The following CPPED1 variants were observed in gnomAD, a reference collection of about 807,000 sequenced individuals.
The protein encoded by CPPED1 is calcineurin like phosphoesterase domain containing 1, also known as serine/threonine-protein phosphatase CPPED1.
CPPED1 carries 28 observed loss-of-function variants against 28.0 expected under a neutral mutation model. The ratio of observed to expected loss-of-function variants is 1.00; its 90% CI spans 0.74 to 1.37. The LOEUF is 1.37. Among genes scored for constraint, CPPED1 ranks in the 40% most tolerant of loss-of-function variants. The pLI is 0.00. For synonymous variants in CPPED1, 198 were observed against 180.2 expected (o/e 1.10, Z -0.79); for missense variants, 504 against 416.5 (o/e 1.21, Z -1.83).
rs945986292 is a variant in CPPED1 at position 12,704,942 on chromosome 16, T to A, written c.397A>T (p.Thr133Ser). The change falls in exon 3 of 4, where the codon ACC becomes TCC. Residue 133 changes from threonine to serine, a missense_variant. Coordinates refer to ENST00000381774, the MANE Select transcript of CPPED1 (RefSeq NM_018340.3). ...TCCTCGACGGTCTCGGCCGTGGGGG[T>A]GTTGCCAATGTCATGGTTGCCGCTG... ...LVSGNHDIGN[T>S]PTAETVEEFC... is the part of the protein sequence containing the mutation. 8.1e-6 allele frequency: 13 copies of A among 1,613,794 alleles called. No individual in the cohort carries two copies. Among genetic ancestry groups the A allele is most frequent in the Non-Finnish European group, 1.1e-5 (13 of 1,180,004 alleles).
At chr16:12,679,504 G>T (rs762624719) in intron 3 of CPPED1, among the ~76,000 whole-genome samples, 5 of 152,210 alleles carry the variant, frequency 3.3e-5, no homozygotes, top group Admixed American at 6.5e-5. Flanking sequence ...GTATTTTCCA[G>T]ATAATTTAAA....
At chr16:12,731,888 T>A (rs1445596251) in intron 2 of CPPED1, among the ~76,000 whole-genome samples, 10 of 148,802 alleles carry the variant, frequency 6.7e-5, no homozygotes, top group African/African-American at 2.2e-4. Context: ...GCAGGCTGGG[T>A]GTGGTGGCTC....
At position 12,688,659 on chromosome 16, in the gene CPPED1, A is replaced by G. The variant is rs76338234; in HGVS notation, c.715+15965T>C. On this transcript the variant is annotated intron_variant, in intron 3 of 3. Coordinates refer to ENST00000381774, the MANE Select transcript of CPPED1 (RefSeq NM_018340.3). ...GCCCCTACTCCACGACTTCTGCATTAAGTGTAATTCTCTGGTTTCTTTCCT... is the reference window on the plus strand; with the variant it reads ...GCCCCTACTCCACGACTTCTGCATTGAGTGTAATTCTCTGGTTTCTTTCCT... Among the ~76,000 whole-genome samples, 1,389 of 152,170 alleles carry G rather than the reference A, an allele frequency of 9.1e-3. 11 individuals carry two copies. Among genetic ancestry groups the G allele is most frequent in the South Asian group, 0.032 (156 of 4,810 alleles).
intron 2 of CPPED1, among the ~76,000 whole-genome samples, chr16:12,715,882 G>A (rs1460691062): frequency 6.6e-6 from 1 of 152,140 alleles, no homozygotes; most frequent in Non-Finnish European, 1.5e-5. Flanking sequence ...ATGCAGCCCA[G>A]GATGGCTCTG....
chr16:12,750,368 C>G (rs2141217744), intron 2 of CPPED1, among the ~76,000 whole-genome samples: 1 of 152,298 alleles, frequency 6.6e-6, no homozygotes, highest in African/African-American at 2.4e-5. Context: ...CTCTTCCTTT[C>G]ATTTGAACGC....
At chr16:12,732,494 GGAGAGAGAGA>G (rs35298221) in intron 2 of CPPED1, among the ~76,000 whole-genome samples, 1 of 145,330 alleles carries the variant, frequency 6.9e-6, no homozygotes, top group Non-Finnish European at 1.5e-5. Context: ...ACACACAGAT[GGAGAGAGAGA>G]GAGAGAGAGA....
rs191494623 is a variant in CPPED1, at chr16:12,776,827, G to T, written c.289+4358C>A. 6.6e-5 allele frequency among the ~76,000 whole-genome samples: 10 copies of T among 152,252 alleles called. No individual in the cohort carries two copies. The East Asian group carries it at 1.9e-3, about 29-fold the overall frequency. ...CCAGCTACTCAGGAAGCTGAGGCAG[G>T]AGAATCGCTTGAACCCAGGAGGCGG... On this transcript the variant is annotated intron_variant, in intron 2 of 3. Transcript: ENST00000381774.
At chr16:12,803,605 G>C in intron 1 of CPPED1, 102 bp downstream of exon 1, 1 of 1,042,176 alleles carries the variant, frequency 9.6e-7, no homozygotes, top group Non-Finnish European at 1.3e-6. Context: ...TGCAGCCCCG[G>C]ATGGTGTCCG....
At chr16:12,740,158 C>T (rs2080247294) in intron 2 of CPPED1, among the ~76,000 whole-genome samples, 1 of 152,086 alleles carries the variant, frequency 6.6e-6, no homozygotes, top group African/African-American at 2.4e-5. Flanking sequence ...ATTTAAGATA[C>T]TTTTTAGGCC....
At chr16:12,796,956 A>AAT (rs1209153850) in intron 1 of CPPED1, among the ~76,000 whole-genome samples, 1 of 152,226 alleles carries the variant, frequency 6.6e-6, no homozygotes, top group Non-Finnish European at 1.5e-5. Context: ...CAAGCTACAA[A>AAT]ATAAGTGAGC....
In CPPED1 at chr16:12,670,474, G is replaced by T. The variant is rs2079847840; in HGVS notation, c.716-5359C>A. Among the ~76,000 whole-genome samples the T allele has an allele frequency of 6.6e-6, 1 of 151,872 alleles. No homozygotes were observed. Among genetic ancestry groups the T allele is most frequent in the African/African-American group, 2.4e-5 (1 of 41,280 alleles). Reference sequence around the variant, plus strand: ...CCCTTAGGTGTGGGCTGTGCATCCTGACTTCTGTTCAAAGAGTATAGTTTA... The same window carrying T: ...CCCTTAGGTGTGGGCTGTGCATCCTTACTTCTGTTCAAAGAGTATAGTTTA... On this transcript the variant is annotated intron_variant, in intron 3 of 3. Coordinates refer to ENST00000381774, the MANE Select transcript of CPPED1 (RefSeq NM_018340.3). The surrounding 1 kb of genome is among the most constrained non-coding windows in gnomAD (Gnocchi z 4.2).
intron 3 of CPPED1, among the ~76,000 whole-genome samples, chr16:12,687,408 T>C (rs2079938989): frequency 6.6e-6 from 1 of 152,216 alleles, no homozygotes; most frequent in African/African-American, 2.4e-5. Flanking sequence ...GCTTTACTTT[T>C]AAGCAATGTG....
At chr16:12,791,262 G>A (rs1191673797) in intron 1 of CPPED1, among the ~76,000 whole-genome samples, 3 of 151,860 alleles carry the variant, frequency 2.0e-5, no homozygotes, top group African/African-American at 7.3e-5. Context: ...TCCCCTCCCT[G>A]TGTCCAAGTG....
At chr16:12,791,098 C>T (rs7184563) in intron 1 of CPPED1, among the ~76,000 whole-genome samples, 55,402 of 150,004 alleles carry the variant, frequency 0.37, 15,724 homozygotes, top group African/African-American at 0.8. Context: ...GTGCAGAACA[C>T]GCAGGTTTGT....
chr16:12,768,008 G>T lies in CPPED1; in HGVS notation c.289+13177C>A, dbSNP rs185105814. 4.3e-4 allele frequency among the ~76,000 whole-genome samples: 66 copies of T among 152,164 alleles called. 1 individual carries two copies. In the South Asian group the frequency reaches 4.4e-3, roughly 10 times the overall value. ...CCTATTGGACACTGTATGACTTAGT[G>T]CCCCAGAAGGAAAGTTTCATAAAAA... On this transcript the variant is annotated intron_variant, in intron 2 of 3. Coordinates refer to ENST00000381774, the MANE Select transcript of CPPED1 (RefSeq NM_018340.3).
At chr16:12,712,647 T>C (rs2080086213) in intron 2 of CPPED1, among the ~76,000 whole-genome samples, 1 of 152,098 alleles carries the variant, frequency 6.6e-6, no homozygotes, top group Admixed American at 6.6e-5. Flanking sequence ...ATAGAAAAGG[T>C]GCACTGTTAA....
chr16:12,710,363 T>C (rs913185023), intron 2 of CPPED1, among the ~76,000 whole-genome samples: 2 of 151,628 alleles, frequency 1.3e-5, no homozygotes, highest in African/African-American at 2.4e-5. Context: ...TCATGTTGTT[T>C]ACTGTCAGGG....
chr16:12,781,450 T>A (rs1318562659), intron 1 of CPPED1, 47 bp from the exon 2 acceptor site: 4 of 1,572,420 alleles, frequency 2.5e-6, no homozygotes, highest in Non-Finnish European at 3.5e-6. Context: ...TTGTAAAATC[T>A]GTCATAAAAG....
At chr16:12,780,149 G>C (rs1269109439) in intron 2 of CPPED1, among the ~76,000 whole-genome samples, 1 of 152,004 alleles carries the variant, frequency 6.6e-6, no homozygotes, top group African/African-American at 2.4e-5. Context: ...GAGCCAGAGG[G>C]GTATGAGCCT....
Sources: allele counts gnomAD v4.1 joint callset (sites outside exome capture counted in the v4.1 genomes callset), GRCh38; gene constraint gnomAD v4.1.1; non-coding constraint Gnocchi (gnomAD v3.1); transcripts MANE v1.5; gene names NCBI Gene and HGNC (gene_info 2026-07-23, HGNC 2026-07-21).